Variants in TEP1 observed in about 807,000 individuals in gnomAD.
TEP1 encodes telomerase protein component 1.
Under a neutral mutation model 306.3 loss-of-function variants are expected in TEP1, and 241 were observed. That is an observed-to-expected ratio of 0.79 (90% CI 0.71 to 0.88). The LOEUF is 0.88. TEP1 is among the 40% of genes least tolerant of loss of function. The probability of loss-of-function intolerance (pLI) is 0.00; values close to 1 mark genes in which losing one functional copy is unlikely to be tolerated. For missense variants in TEP1, 3,051 were observed against 3,276.1 expected (o/e 0.93, Z 1.68); for synonymous variants, 1,289 against 1,305.5 (o/e 0.99, Z 0.27).
rs999983042 is a variant in TEP1 at position 20,391,529 on chromosome 14, C to T, written c.2097+70G>A. The T allele has an allele frequency of 6.0e-6, 9 of 1,511,966 alleles. No homozygotes were observed. The African/African-American group carries it at 1.1e-4, about 19-fold the overall frequency. The allele number at this position is 1,511,966 out of a possible 1,614,324, so 93.7% of individuals were successfully genotyped here. A position where few individuals can be genotyped will look rare whatever the true frequency, so the allele number is the denominator to read the frequency against. On this transcript the variant is annotated intron_variant, in intron 13 of 54. Transcript: ENST00000262715. ...TGCCTGGGAAAACCAGCTCTGGGAA[C>T]AGGATACTGCTCAGGATCCCCAGCA...
At chr14:20,392,846 T>C (rs956947489) in intron 12 of TEP1, among the ~76,000 whole-genome samples, 5 of 152,108 alleles carry the variant, frequency 3.3e-5, no homozygotes, top group African/African-American at 1.2e-4. Flanking sequence ...TAAGGAAAGG[T>C]GAAATAAAAT....
In TEP1 at chr14:20,391,519, G is replaced by A. The variant is rs142149466; in HGVS notation, c.2097+80C>T. On this transcript the variant is annotated intron_variant, in intron 13 of 54. Coordinates refer to ENST00000262715, the MANE Select transcript of TEP1 (RefSeq NM_007110.5). ...TCTGAGTGTTTGCCTGGGAAAACCA[G>A]CTCTGGGAACAGGATACTGCTCAGG... 156 of 1,482,528 alleles carry A rather than the reference G, an allele frequency of 1.1e-4. No homozygotes were observed. The African/African-American group carries it at 1.6e-3, about 15-fold the overall frequency. The allele number at this position is 1,482,528 out of a possible 1,614,324, so 91.8% of individuals were successfully genotyped here.
chr14:20,384,677 A>T lies in TEP1; in HGVS notation c.3144T>A (p.Ser1048=). 3 of 1,613,204 alleles carry T rather than the reference A, an allele frequency of 1.9e-6. No homozygotes were observed. The highest frequency in any genetic ancestry group is 2.5e-6 in the Non-Finnish European group (3 of 1,180,018). ...VPDAWKSDFV[S]ESEEAARRIS... The stretch of plus-strand genomic sequence containing the variant: ...TCCGACGTGCGGCCTCTTCAGACTC[A>T]GAAACAAAGTCAGATTTCCAGGCAT... Residue 1048 remains serine, a synonymous_variant, in exon 22 of 55, where the codon TCT becomes TCA. Transcript: ENST00000262715.
Position 20,378,546 on chromosome 14 carries a change from G to C in TEP1, c.5353-11C>G. ...GACTGTGTCCCACAGCTGAGGGAGA[G>C]AGAGGAGGAATCAGGATGCTGAAGA... On this transcript the variant is annotated splice_polypyrimidine_tract_variant and intron_variant, in intron 37 of 54. Transcript: ENST00000262715. 3 of 1,614,122 alleles carry C rather than the reference G, an allele frequency of 1.9e-6. No individual in the cohort carries two copies. Among genetic ancestry groups the C allele is most frequent in the Non-Finnish European group, 2.5e-6 (3 of 1,180,014 alleles).
rs2139054560 is a variant in TEP1 at position 20,381,792 on chromosome 14, CA to C, written c.4425-107del. Reference sequence around the variant, plus strand: ...CCCCCTCAAATAGCGGAAACTGGAGCAGCTGGAGCAGTAGCTCATTCATGGT... The same window carrying C: ...CCCCCTCAAATAGCGGAAACTGGAGCGCTGGAGCAGTAGCTCATTCATGGT... On this transcript the variant is annotated intron_variant, in intron 30 of 54. Coordinates refer to ENST00000262715, the MANE Select transcript of TEP1 (RefSeq NM_007110.5). This position sits in a 1 kb window ranked among gnomAD's most constrained non-coding sequence, Gnocchi z 4.0. The C allele has an allele frequency of 6.5e-7, 1 of 1,531,652 alleles. No homozygotes were observed. Among genetic ancestry groups the C allele is most frequent in the East Asian group, 2.3e-5 (1 of 44,286 alleles). 94.9% of individuals were successfully genotyped at this position (1,531,652 alleles called of 1,614,324 possible).
intron 33 of TEP1, 71 bp from the exon 34 acceptor site, chr14:20,380,546 A>G (rs1249692933): frequency 2.2e-5 from 34 of 1,534,704 alleles, no homozygotes; most frequent in Non-Finnish European, 3.0e-5. Flanking sequence ...AAATAAAACC[A>G]TATGGTGTGT....
In TEP1 at chr14:20,378,178, A is replaced by G; in HGVS notation, c.5567T>C (p.Val1856Ala). Residue 1856 changes from valine to alanine, a missense_variant, in exon 39 of 55, where the codon GTT becomes GCT. Val to Ala is a moderately conservative substitution (Grantham distance 64). Transcript: ENST00000262715. ...ACTGTCCAGCCGGCCCACAGCCACA[A>G]CCCCCCCAGGCACATTGAAGGCCAA... The part of the protein sequence containing the change: ...RTLAFNVPGG[V>A]VAVGRLDSMV... The G allele has an allele frequency of 6.2e-7, 1 of 1,613,156 alleles. No individual in the cohort carries two copies. Among genetic ancestry groups the G allele is most frequent in the Non-Finnish European group, 8.5e-7 (1 of 1,179,892 alleles).
At chr14:20,398,534 A>G (rs1237666569) in intron 9 of TEP1, among the ~76,000 whole-genome samples, 5 of 151,690 alleles carry the variant, frequency 3.3e-5, no homozygotes, top group African/African-American at 1.2e-4. Flanking sequence ...AAGGGGTGAC[A>G]TTAATGCCCT....
Position 20,379,975 on chromosome 14 carries a change from G to A in TEP1, c.5082C>T (p.Gly1694=), listed in dbSNP as rs1419639225. The change falls in exon 35 of 55, where the codon GGC becomes GGT. Residue 1694 remains glycine (G), a synonymous_variant. Coordinates refer to ENST00000262715, the MANE Select transcript of TEP1 (RefSeq NM_007110.5). ...ACAGGTAAACTGTCCCATTGGCAGT[G>A]CCCACAGCTGCTCTTTGCCCATTGG... ...FSTNGQRAAV[G]TANGTVYLLD... is the part of the protein sequence containing the mutation. 1 of 1,614,140 alleles carries A rather than the reference G, an allele frequency of 6.2e-7. No homozygotes were observed. The highest frequency in any genetic ancestry group is 8.5e-7 in the Non-Finnish European group (1 of 1,180,020).
chr14:20,395,202 A>C (rs1878093908), intron 12 of TEP1, among the ~76,000 whole-genome samples: 1 of 152,224 alleles, frequency 6.6e-6, no homozygotes, highest in Admixed American at 6.5e-5. Flanking sequence ...AAAGGAATCT[A>C]CATAAACCAA....
At chr14:20,378,636 GC>G in intron 37 of TEP1, 101 bp from the exon 38 acceptor site, 2 of 1,584,454 alleles carry the variant, frequency 1.3e-6, no homozygotes, top group Non-Finnish European at 8.7e-7. Flanking sequence ...CCTGCCCTCA[GC>G]AGGGAAGGCC....
Position 20,378,064 on chromosome 14 carries a change from T to C in TEP1, c.5681A>G (p.His1894Arg). ...HGFVAAALFL[H>R]AGCQLLTAGE... ...AGCCGTCAGTAACTGGCAACCCGCATGCAGGAAAAGCGCAGCAGCAACAAA... is the reference window on the plus strand; with the variant it reads ...AGCCGTCAGTAACTGGCAACCCGCACGCAGGAAAAGCGCAGCAGCAACAAA... Residue 1894 changes from histidine (H) to arginine (R), a missense_variant, in exon 39 of 55, where the codon CAT becomes CGT. This residue lies in a region of TEP1 where 1,540 missense variants were observed against 1,705.9 expected (regional missense o/e 0.90). Transcript: ENST00000262715. 1 of 1,613,680 alleles carries C rather than the reference T, an allele frequency of 6.2e-7. No homozygotes were observed. Among genetic ancestry groups the C allele is most frequent in the Non-Finnish European group, 8.5e-7 (1 of 1,180,004 alleles).
intron 12 of TEP1, among the ~76,000 whole-genome samples, chr14:20,395,237 G>A (rs1033533535): frequency 2.0e-5 from 3 of 152,198 alleles, no homozygotes; most frequent in African/African-American, 7.2e-5. Context: ...ATAATAGAGT[G>A]GAGGTCCAGG....
At chr14:20,379,687 C>A (rs1420813694) in intron 35 of TEP1, among the ~76,000 whole-genome samples, 1 of 152,232 alleles carries the variant, frequency 6.6e-6, no homozygotes, top group Non-Finnish European at 1.5e-5. Context: ...ACTTGGTGGG[C>A]AATGACAATG....
chr14:20,403,306 AT>A (rs1461980984), intron 7 of TEP1, 70 bp downstream of exon 7: 4 of 1,567,238 alleles, frequency 2.6e-6, no homozygotes, highest in Non-Finnish European at 3.5e-6. Flanking sequence ...CCCTAATAGA[AT>A]TTTGTTCGTA....
chr14:20,410,020 CAAAAAAAAAAAAAAAAAAAAAA>C lies in TEP1; in HGVS notation c.-24-1579_-24-1558del, dbSNP rs570672845. Among the ~76,000 whole-genome samples the C allele has an allele frequency of 6.8e-5, 4 of 58,956 alleles. 1 individual carries two copies. The highest frequency in any genetic ancestry group is 8.6e-4 in the East Asian group (2 of 2,316). 38.7% of individuals were successfully genotyped at this position (58,956 alleles called of 152,430 possible). ...TGGGCGACAGAGCAAGACTCTGTCT[CAAAAAAAAAAAAAAAAAAAAAA>C]AAAAAAAAAAAAAATGCCTACCTCA... On this transcript the variant is annotated intron_variant, in intron 1 of 54. Transcript: ENST00000262715.
chr14:20,373,654 G>A, intron 45 of TEP1, 24 bp downstream of exon 45: 4 of 1,614,232 alleles, frequency 2.5e-6, no homozygotes, highest in Non-Finnish European at 3.4e-6. Context: ...AGCAGGGAAG[G>A]GGAGGTGGCT....
At position 20,372,749 on chromosome 14, in the gene TEP1, C is replaced by T. The variant is rs749796153; in HGVS notation, c.7060G>A (p.Ala2354Thr). Residue 2354 changes from alanine (A) to threonine (T), a missense_variant, in exon 49 of 55, where the codon GCA becomes ACA. Coordinates refer to ENST00000262715, the MANE Select transcript of TEP1 (RefSeq NM_007110.5). ...CTGTTTCACCTCAAATTTCCGGGTG[C>T]CGAACCCTTCCGCAGTTTCACTTGC... Reference protein sequence around the residue: ...EWQVKLRKGSAPGNLSLHLNR... With the variant: ...EWQVKLRKGSTPGNLSLHLNR... 6.2e-7 allele frequency: 1 copy of T among 1,614,112 alleles called. No individual in the cohort carries two copies.
chr14:20,383,080 G>A, intron 27 of TEP1, 94 bp downstream of exon 27: 1 of 1,354,934 alleles, frequency 7.4e-7, no homozygotes, highest in East Asian at 2.4e-5. Context: ...AAAGGAGCAG[G>A]TCTGTGCAAG....
Sources: allele counts gnomAD v4.1 joint callset (sites outside exome capture counted in the v4.1 genomes callset), GRCh38; gene constraint gnomAD v4.1.1; regional missense constraint gnomAD v4.1.1; non-coding constraint Gnocchi (gnomAD v3.1); transcripts MANE v1.5; gene names NCBI Gene and HGNC (gene_info 2026-07-23, HGNC 2026-07-21).